PDCD6IP: variants seen among roughly 807,000 people sequenced by gnomAD.
The protein encoded by PDCD6IP is programmed cell death 6-interacting protein.
Under a neutral mutation model 103.7 loss-of-function variants are expected in PDCD6IP, and 43 were observed. The observed-to-expected ratio is 0.41, with a 90% CI of 0.32 to 0.53. The LOEUF is 0.53. PDCD6IP is among the 20% of genes least tolerant of loss of function. The probability of loss-of-function intolerance (pLI) is 0.16; values close to 1 mark genes in which losing one functional copy is unlikely to be tolerated. For synonymous variants in PDCD6IP, 354 were observed against 378.7 expected, an observed-to-expected ratio of 0.93 and a Z score of 0.76; for missense variants, 871 against 1,036.7, an observed-to-expected ratio of 0.84 and a Z score of 2.20.
At position 33,798,779 on chromosome 3, in the gene PDCD6IP, G is replaced by A; in HGVS notation, c.51G>A (p.Leu17=). The A allele has an allele frequency of 6.4e-7, 1 of 1,574,280 alleles. No homozygotes were observed. The highest frequency in any genetic ancestry group is 8.6e-7 in the Non-Finnish European group (1 of 1,160,906). ...TGAAAAAGACCTCAGAGGTGGACCT[G>A]GCCAAGCCGCTGGTGAAGTTCATCC... The part of the protein sequence containing the change: ...VQLKKTSEVD[L]AKPLVKFIQQ... The change falls in exon 1 of 18, where the codon CTG becomes CTA. Residue 17 remains leucine (L), a synonymous_variant. Transcript: ENST00000307296.
rs141799309 is a variant in PDCD6IP, at chr3:33,866,528, T to A, written c.*3T>A. 5.6e-6 allele frequency: 9 copies of A among 1,594,816 alleles called. No individual in the cohort carries two copies. Among genetic ancestry groups the A allele is most frequent in the Non-Finnish European group, 7.7e-6 (9 of 1,173,380 alleles). On this transcript the variant is annotated 3_prime_UTR_variant, in exon 18 of 18. Transcript: ENST00000307296. ...AGTCTTACTATCCACAGCAGTAATA[T>A]GTCTGCTCAGCAGCTCAGCTGATTC... is the stretch of plus-strand genomic sequence containing the variant.
intron 7 of PDCD6IP, among the ~76,000 whole-genome samples, chr3:33,832,292 CCCA>C (rs1697261216): frequency 6.6e-6 from 1 of 152,016 alleles, no homozygotes; most frequent in African/African-American, 2.4e-5. Context: ...CCTATGAGGC[CCCA>C]CCTTCATGAC....
chr3:33,865,601 G>T (rs991410328), intron 17 of PDCD6IP, among the ~76,000 whole-genome samples, 171 bp downstream of exon 17: 18 of 152,154 alleles, frequency 1.2e-4, no homozygotes, highest in African/African-American at 4.1e-4. Flanking sequence ...TACATGAATA[G>T]GATAGCTATT....
Position 33,826,461 on chromosome 3 carries a change from T to C in PDCD6IP, c.617-19T>C, listed in dbSNP as rs1433739343. 1 of 1,538,294 alleles carries C rather than the reference T, an allele frequency of 6.5e-7. No homozygotes were observed. Among genetic ancestry groups the C allele is most frequent in the Non-Finnish European group, 8.9e-7 (1 of 1,123,804 alleles). ...TAGCTCATATTTATTTTAATTATAATGGTCATATTGTATTCCAGATAAAAT... is the reference window on the plus strand; with the variant it reads ...TAGCTCATATTTATTTTAATTATAACGGTCATATTGTATTCCAGATAAAAT... On this transcript the variant is annotated intron_variant, in intron 5 of 17. Coordinates refer to ENST00000307296, the MANE Select transcript of PDCD6IP (RefSeq NM_013374.6).
At chr3:33,866,207 G>C in intron 17 of PDCD6IP, 144 bp from the exon 18 acceptor site, 1 of 486,002 alleles carries the variant, frequency 2.1e-6, no homozygotes, top group Non-Finnish European at 3.6e-6. Flanking sequence ...CAAGTGCCTT[G>C]AAACAGTTTT....
chr3:33,800,443 A>G (rs1696450991), intron 1 of PDCD6IP, among the ~76,000 whole-genome samples: 1 of 151,994 alleles, frequency 6.6e-6, no homozygotes, highest in African/African-American at 2.4e-5. Context: ...CAGCCGGTTT[A>G]ATTTCTCCTT....
In PDCD6IP at chr3:33,866,625, C is replaced by A; in HGVS notation, c.*100C>A. ...TCTACGCTCTGGTTAATGTAATGTA[C>A]TCTCCTGGACTGAATGCAGTGTATA... On this transcript the variant is annotated 3_prime_UTR_variant, in exon 18 of 18. Transcript: ENST00000307296. 1.1e-6 allele frequency: 1 copy of A among 892,476 alleles called. No homozygotes were observed. Among genetic ancestry groups the A allele is most frequent in the Non-Finnish European group, 1.6e-6 (1 of 613,018 alleles). The allele number at this position is 892,476 out of a possible 1,614,324, so 55.3% of individuals were successfully genotyped here.
rs142393747 is a variant in PDCD6IP at position 33,822,952 on chromosome 3, C to T, written c.462+870C>T. ...GATTACAGATGTGAGCCACCATGCC[C>T]GGCCAGCAGTTGTTTATTATTTATT... On this transcript the variant is annotated intron_variant, in intron 4 of 17. Transcript: ENST00000307296. Among the ~76,000 whole-genome samples, 19 of 152,108 alleles carry T rather than the reference C, an allele frequency of 1.2e-4. No homozygotes were observed. The East Asian group carries it at 2.9e-3, about 23-fold the overall frequency.
At chr3:33,844,374 G>A in intron 11 of PDCD6IP, 151 bp downstream of exon 11, 1 of 453,882 alleles carries the variant, frequency 2.2e-6, no homozygotes. Context: ...GTTCACAAAA[G>A]TAATCTGCCA....
At chr3:33,833,168 T>C (rs1024688145) in intron 7 of PDCD6IP, among the ~76,000 whole-genome samples, 1 of 152,046 alleles carries the variant, frequency 6.6e-6, no homozygotes, top group South Asian at 2.1e-4. Context: ...TTTAAAAAAT[T>C]AAGAAATTTT....
At chr3:33,855,960 G>A (rs1437798718) in intron 15 of PDCD6IP, among the ~76,000 whole-genome samples, 1 of 152,194 alleles carries the variant, frequency 6.6e-6, no homozygotes, top group South Asian at 2.1e-4. Context: ...TTAGGCACTG[G>A]GCTGCACAGT....
At chr3:33,836,553 C>G (rs1016226206) in intron 8 of PDCD6IP, among the ~76,000 whole-genome samples, 2 of 152,108 alleles carry the variant, frequency 1.3e-5, no homozygotes, top group African/African-American at 4.8e-5. Context: ...TAAGATGCTG[C>G]CATTAAAAAT....
chr3:33,829,550 C>T (rs1364514235), intron 7 of PDCD6IP, among the ~76,000 whole-genome samples: 1 of 151,932 alleles, frequency 6.6e-6, no homozygotes, highest in Non-Finnish European at 1.5e-5. Context: ...CAGTTGTGTT[C>T]ATACTGTTGG....
intron 3 of PDCD6IP, among the ~76,000 whole-genome samples, chr3:33,818,715 C>T (rs1333793042): frequency 6.6e-6 from 1 of 151,956 alleles, no homozygotes; most frequent in Admixed American, 6.6e-5. Context: ...GACAGGGTTT[C>T]ACCATGTTGG....
chr3:33,827,274 A>G (rs910523927), intron 6 of PDCD6IP: 1 of 851,886 alleles, frequency 1.2e-6, no homozygotes, highest in Non-Finnish European at 1.4e-6. Context: ...AGTGAAATAT[A>G]TGTTTCAACT....
intron 1 of PDCD6IP, among the ~76,000 whole-genome samples, chr3:33,800,689 T>G (rs780128941): frequency 1.3e-5 from 2 of 152,144 alleles, no homozygotes; most frequent in Admixed American, 6.5e-5. Context: ...TCAAGGTAAT[T>G]TTTATGTAGG....
At chr3:33,862,777 A>G (rs866993214) in intron 15 of PDCD6IP, among the ~76,000 whole-genome samples, 1 of 152,224 alleles carries the variant, frequency 6.6e-6, no homozygotes, top group African/African-American at 2.4e-5. Flanking sequence ...CATTAGCTAC[A>G]TAACTATGAG....
At chr3:33,857,321 C>T (rs1395501737) in intron 15 of PDCD6IP, among the ~76,000 whole-genome samples, 3 of 152,034 alleles carry the variant, frequency 2.0e-5, no homozygotes, top group African/African-American at 7.2e-5. Context: ...GCTGGCATTA[C>T]AGGTGTGCAC....
At chr3:33,850,235 G>A (rs1697684198) in intron 12 of PDCD6IP, among the ~76,000 whole-genome samples, 1 of 151,978 alleles carries the variant, frequency 6.6e-6, no homozygotes. Flanking sequence ...AGTCCATTAT[G>A]GTCTCTAAGG....
Sources: gnomAD v4.1 joint callset for allele counts (sites outside exome capture counted in the v4.1 genomes callset) on GRCh38, gnomAD v4.1.1 for gene constraint, MANE v1.5 for transcripts, NCBI Gene and HGNC (gene_info 2026-07-23, HGNC 2026-07-21) for gene names.